The following NPAS4 variants were observed in gnomAD, a reference collection of about 807,000 sequenced individuals.
NPAS4 encodes neuronal PAS domain-containing protein 4.
Under a neutral mutation model 64.0 loss-of-function variants are expected in NPAS4, and 10 were observed. The observed-to-expected ratio is 0.16, with a 90% confidence interval of 0.10 to 0.26. NPAS4 has a LOEUF of 0.26. Among genes scored for constraint, NPAS4 ranks in the 10% least tolerant of loss-of-function variants. NPAS4 has a pLI of 1.00. For missense variants in NPAS4, 886 were observed against 992.6 expected (o/e 0.89, Z 1.44); for synonymous variants, 441 against 411.7 (o/e 1.07, Z -0.86).
upstream of NPAS4, among the ~76,000 whole-genome samples, chr11:66,417,730 G>A (rs1397830950): frequency 6.6e-6 from 1 of 151,946 alleles, no homozygotes; most frequent in Non-Finnish European, 1.5e-5. Context: ...CACAGACACT[G>A]ACAGAAAGGC....
In NPAS4 at chr11:66,422,837, A is replaced by G. The variant is rs772792140; in HGVS notation, c.594A>G (p.Arg198=). 2.5e-6 allele frequency: 4 copies of G among 1,613,344 alleles called. No individual in the cohort carries two copies. ...FTAFCAPLEP[R]PRPGPGPGPG... ...CTTTCTGTGCCCCTCTGGAGCCGAG[A>G]CCCCGCCCAGGTCCTGGCCCTGGCC... The change falls in exon 4 of 8, where the codon AGA becomes AGG. Residue 198 remains arginine, a synonymous_variant. Coordinates refer to ENST00000311034, the MANE Select transcript of NPAS4 (RefSeq NM_178864.4).
Position 66,426,144 on chromosome 11 carries a change from G to T in NPAS4, c.*155G>T. ...TGCAGGATTTTGGGGGGGGGGAGGT[G>T]GGAGGGCAAGGGAGGGGAGCTTCTT... On this transcript the variant is annotated 3_prime_UTR_variant, in exon 8 of 8. Transcript: ENST00000311034. 1 of 449,926 alleles carries T rather than the reference G, an allele frequency of 2.2e-6. No homozygotes were observed. Among genetic ancestry groups the T allele is most frequent in the East Asian group, 4.6e-5 (1 of 21,926 alleles). 27.9% of individuals were successfully genotyped at this position (449,926 alleles called of 1,614,324 possible). A position where few individuals can be genotyped will look rare whatever the true frequency, so the allele number is the denominator to read the frequency against.
upstream of NPAS4, among the ~76,000 whole-genome samples, chr11:66,419,022 A>G (rs902433656): frequency 6.6e-6 from 1 of 152,202 alleles, no homozygotes; most frequent in Non-Finnish European, 1.5e-5. Flanking sequence ...TGAATGAAGA[A>G]CACAGGAACA....
upstream of NPAS4, among the ~76,000 whole-genome samples, chr11:66,418,013 C>T (rs1329497527): frequency 6.8e-6 from 1 of 148,020 alleles, no homozygotes; most frequent in Non-Finnish European, 1.5e-5. Context: ...CACACAGACA[C>T]ACACACAGAG....
Position 66,422,443 on chromosome 11 carries a change from C to T in NPAS4, c.328-8C>T. 1 of 1,602,256 alleles carries T rather than the reference C, an allele frequency of 6.2e-7. No homozygotes were observed. The highest frequency in any genetic ancestry group is 8.6e-7 in the Non-Finnish European group (1 of 1,169,180). ...CCTAATGGTCATCTCTTCTTTTCCTCCCTCCAGGTGGACCTGGTTGCCCAG... is the reference window on the plus strand; with the variant it reads ...CCTAATGGTCATCTCTTCTTTTCCTTCCTCCAGGTGGACCTGGTTGCCCAG... On this transcript the variant is annotated splice_polypyrimidine_tract_variant and splice_region_variant and intron_variant, in intron 2 of 7. Transcript: ENST00000311034.
chr11:66,423,850 G>T lies in NPAS4; in HGVS notation c.960G>T (p.Trp320Cys). 1 of 1,610,136 alleles carries T rather than the reference G, an allele frequency of 6.2e-7. No homozygotes were observed. Among genetic ancestry groups the T allele is most frequent in the East Asian group, 2.2e-5 (1 of 44,844 alleles). Reference protein sequence around the residue: ...NNYPISDMEAWSLRQQLNSED... With the variant: ...NNYPISDMEACSLRQQLNSED... ...TCCTCTCCAGTGACATGGAAGCCTG[G>T]AGCCTCCGCCAGCAGTTGAACTCTG... The change falls in exon 7 of 8, where the codon TGG (tryptophan) becomes TGT (cysteine). Residue 320 changes from tryptophan to cysteine, a missense_variant. Transcript: ENST00000311034.
intron 7 of NPAS4, 57 bp from the exon 8 acceptor site, chr11:66,425,904 G>C (rs1856832481): frequency 1.5e-5 from 20 of 1,309,010 alleles, no homozygotes; most frequent in Non-Finnish European, 2.1e-5. Context: ...TCAGCCCCAG[G>C]ATCCTCTGTG....
the NPAS4 span, among the ~76,000 whole-genome samples, chr11:66,414,144 C>T: frequency 6.6e-6 from 1 of 152,074 alleles, no homozygotes; most frequent in African/African-American, 2.4e-5. Context: ...GGCTGGGGGG[C>T]ACTGAGGGGG....
At chr11:66,416,287 G>A (rs1856668245), upstream of NPAS4, among the ~76,000 whole-genome samples, 1 of 152,172 alleles carries the variant, frequency 6.6e-6, no homozygotes, top group Non-Finnish European at 1.5e-5. Flanking sequence ...AAAGGAAGGT[G>A]TCTCTCTCCA....
upstream of NPAS4, among the ~76,000 whole-genome samples, chr11:66,418,915 T>A (rs1856698480): frequency 6.6e-6 from 1 of 152,212 alleles, no homozygotes; most frequent in Non-Finnish European, 1.5e-5. Flanking sequence ...CACTGCAGAT[T>A]CGCTCAGATT....
Position 66,424,670 on chromosome 11 carries a change from C to T in NPAS4, c.1780C>T (p.Leu594Phe). 1 of 1,613,536 alleles carries T rather than the reference C, an allele frequency of 6.2e-7. No homozygotes were observed. Among genetic ancestry groups the T allele is most frequent in the South Asian group, 1.1e-5 (1 of 91,012 alleles). ...CTGCACGCTCTTGGCCCTAGCCCAG[C>T]TCCGGGGCCCCCTCTCTGTGGATGT... Reference protein sequence around the residue: ...GDCTLLALAQLRGPLSVDVPL... With the variant: ...GDCTLLALAQFRGPLSVDVPL... Residue 594 changes from leucine to phenylalanine, a missense_variant, in exon 7 of 8, where the codon CTC becomes TTC. Physicochemically the swap from Leu to Phe is conservative, Grantham distance 22. Around this residue, in one of 3 missense-constraint regions of NPAS4, gnomAD observed 820 missense variants for 855.5 expected, o/e 0.96. Coordinates refer to ENST00000311034, the MANE Select transcript of NPAS4 (RefSeq NM_178864.4).
intron 2 of NPAS4, 39 bp downstream of exon 2, chr11:66,422,310 G>A: frequency 1.2e-6 from 2 of 1,608,558 alleles, no homozygotes; most frequent in Non-Finnish European, 8.5e-7. Context: ...GCTGGGCATG[G>A]AGTGGGTGCC....
chr11:66,420,906 C>A, upstream of NPAS4: 1 of 416,804 alleles, frequency 2.4e-6, no homozygotes, highest in Non-Finnish European at 4.4e-6. Context: ...GGAGGAGCCC[C>A]CCTCCCCAGT....
At chr11:66,419,844 G>T (rs1326942340), upstream of NPAS4, among the ~76,000 whole-genome samples, 1 of 152,218 alleles carries the variant, frequency 6.6e-6, no homozygotes, top group Non-Finnish European at 1.5e-5. Flanking sequence ...ATGTGGAGAG[G>T]GGTGGAGGGA....
chr11:66,417,993 CACACACAA>C (rs1403971782), upstream of NPAS4, among the ~76,000 whole-genome samples: 1 of 152,002 alleles, frequency 6.6e-6, no homozygotes, highest in Non-Finnish European at 1.5e-5. Context: ...TGAACACACA[CACACACAA>C]ACACACAGAC....
chr11:66,423,794 G>T, intron 6 of NPAS4, 41 bp from the exon 7 acceptor site: 1 of 1,603,470 alleles, frequency 6.2e-7, no homozygotes, highest in Non-Finnish European at 8.5e-7. Context: ...TCTGGATATG[G>T]ACGTCGGACC....
intron 3 of NPAS4, 25 bp downstream of exon 3, chr11:66,422,578 C>T (rs763663656): frequency 3.1e-5 from 49 of 1,603,516 alleles, no homozygotes; most frequent in East Asian, 4.5e-5. Flanking sequence ...CTCCCTTCCT[C>T]GGTCCAATTT....
chr11:66,415,088 C>A, the NPAS4 span, among the ~76,000 whole-genome samples: 2 of 152,088 alleles, frequency 1.3e-5, no homozygotes, highest in African/African-American at 4.8e-5. Flanking sequence ...AGCCCTGAGA[C>A]CCCCCTGCCC....
At position 66,422,152 on chromosome 11, in the gene NPAS4, T is replaced by C. The variant is rs1313389313; in HGVS notation, c.208T>C (p.Ser70Pro). 1.2e-6 allele frequency: 2 copies of C among 1,614,016 alleles called. No individual in the cohort carries two copies. The highest frequency in any genetic ancestry group is 2.7e-5 in the African/African-American group (2 of 74,930). Reference sequence around the variant, plus strand: ...TCTGGCGGGCCCCACGGGGCTTCTCTCAGCTCAAGAGCTTGAGGACATCGT... The same window carrying C: ...TCTGGCGGGCCCCACGGGGCTTCTCCCAGCTCAAGAGCTTGAGGACATCGT... ...TPLAGPTGLL[S>P]AQELEDIVAA... Residue 70 changes from serine to proline, a missense_variant, in exon 2 of 8, where the codon TCA becomes CCA. Around this residue, in one of 3 missense-constraint regions of NPAS4, gnomAD observed 820 missense variants for 855.5 expected, o/e 0.96. Coordinates refer to ENST00000311034, the MANE Select transcript of NPAS4 (RefSeq NM_178864.4).
Sources: gnomAD v4.1 joint callset for allele counts (sites outside exome capture counted in the v4.1 genomes callset) on GRCh38, gnomAD v4.1.1 for gene constraint, gnomAD v4.1.1 regional missense constraint, MANE v1.5 for transcripts, NCBI Gene and HGNC (gene_info 2026-07-23, HGNC 2026-07-21) for gene names.